Variants in KIF24 observed in about 807,000 individuals in gnomAD.
KIF24 encodes the protein kinesin family member 24.
A neutral mutation model predicts 118.9 loss-of-function variants in KIF24; 81 were observed. That is an observed-to-expected ratio of 0.68 (90% confidence interval 0.57 to 0.82). The LOEUF (loss-of-function observed/expected upper bound fraction) is 0.82, where lower values mean the gene tolerates loss of function less well. KIF24 is among the 40% of genes least tolerant of loss of function. The pLI is 0.00. For synonymous variants in KIF24, 599 were observed against 610.0 expected (o/e 0.98, Z 0.27); for missense variants, 1,560 against 1,661.6 (o/e 0.94, Z 1.06).
At chr9:34,289,126 A>G (rs1836159849) in intron 5 of KIF24, among the ~76,000 whole-genome samples, 1 of 152,138 alleles carries the variant, frequency 6.6e-6, no homozygotes, top group African/African-American at 2.4e-5. Flanking sequence ...CTGAACACCT[A>G]TACAATCTCA....
At chr9:34,254,654 A>G (rs1033054385) in intron 12 of KIF24, 134 bp from the exon 13 acceptor site, 10 of 873,134 alleles carry the variant, frequency 1.1e-5, no homozygotes, top group Non-Finnish European at 1.8e-5. Flanking sequence ...CATGTAGGAT[A>G]GTTGCTATGG....
intron 9 of KIF24, among the ~76,000 whole-genome samples, chr9:34,260,917 A>G (rs1718253909): frequency 6.6e-6 from 1 of 152,190 alleles, no homozygotes; most frequent in African/African-American, 2.4e-5. Flanking sequence ...GGTTGCAGTG[A>G]GCCAAGATCA....
rs1455293433 is a variant in KIF24 at position 34,255,820 on chromosome 9, A to G, written c.3787T>C (p.Leu1263=). Reference sequence around the variant, plus strand: ...ACCAAGGGAGAACTTGGCCTTGCTAAGCACCTTGAGATCGGCCTGGGTTTG... The same window carrying G: ...ACCAAGGGAGAACTTGGCCTTGCTAGGCACCTTGAGATCGGCCTGGGTTTG... ...WLKPRPISRC[L]ARPSSPLVPS... is the part of the protein sequence containing the mutation. The change falls in exon 11 of 13, where the codon TTA becomes CTA. Residue 1263 remains leucine, a synonymous_variant. Transcript: ENST00000402558. 1 of 1,613,980 alleles carries G rather than the reference A, an allele frequency of 6.2e-7. No individual in the cohort carries two copies. The highest frequency in any genetic ancestry group is 8.5e-7 in the Non-Finnish European group (1 of 1,179,874).
At chr9:34,312,750 G>A (rs7029398) in intron 1 of KIF24, among the ~76,000 whole-genome samples, 34,157 of 152,036 alleles carry the variant, frequency 0.22, 4,514 homozygotes, top group East Asian at 0.61. Flanking sequence ...CCAGGCTGGA[G>A]TGCAGTGGTG....
intron 1 of KIF24, among the ~76,000 whole-genome samples, chr9:34,323,325 T>C (rs540492373): frequency 6.6e-6 from 1 of 152,310 alleles, no homozygotes; most frequent in Non-Finnish European, 1.5e-5. Context: ...ACAATTCCCC[T>C]CAAGAGCCCC....
chr9:34,284,282 T>A (rs1047224282), intron 6 of KIF24, among the ~76,000 whole-genome samples: 21 of 151,584 alleles, frequency 1.4e-4, no homozygotes, highest in Admixed American at 3.3e-4. Flanking sequence ...TAGAAAAAAA[T>A]AAAAATAATA....
Position 34,284,673 on chromosome 9 carries a change from T to G in KIF24, c.1215+1944A>C, listed in dbSNP as rs77428199. 5.2e-3 allele frequency among the ~76,000 whole-genome samples: 794 copies of G among 152,126 alleles called. 18 individuals are homozygous for G. The highest frequency in any genetic ancestry group is 0.042 in the East Asian group (218 of 5,180). ...GATGGTTTGGGGATAAATACATAGGTGGTAAAACTATAACAAATAACAAGA... is the reference window on the plus strand; with the variant it reads ...GATGGTTTGGGGATAAATACATAGGGGGTAAAACTATAACAAATAACAAGA... On this transcript the variant is annotated intron_variant, in intron 6 of 12. Transcript: ENST00000402558.
intron 12 of KIF24, among the ~76,000 whole-genome samples, chr9:34,254,746 G>C (rs1434910820): frequency 6.6e-6 from 1 of 152,146 alleles, no homozygotes; most frequent in Non-Finnish European, 1.5e-5. Context: ...GTATTTGGTA[G>C]AAATACCTAC....
chr9:34,280,051 G>C (rs902544625), intron 6 of KIF24, among the ~76,000 whole-genome samples: 1 of 151,636 alleles, frequency 6.6e-6, no homozygotes, highest in African/African-American at 2.4e-5. Context: ...TTGGGAGGCC[G>C]AGGCAGGCGG....
chr9:34,299,221 C>A (rs1455477210), intron 3 of KIF24, among the ~76,000 whole-genome samples: 1 of 151,810 alleles, frequency 6.6e-6, no homozygotes, highest in Non-Finnish European at 1.5e-5. Context: ...CACTCTGTTG[C>A]CCAGGCTGGA....
chr9:34,271,288 G>C (rs1835493628), intron 7 of KIF24, among the ~76,000 whole-genome samples: 1 of 146,640 alleles, frequency 6.8e-6, no homozygotes, highest in South Asian at 2.1e-4. Flanking sequence ...TAACCACTTA[G>C]GTAATTACAT....
At chr9:34,296,349 AC>A (rs1329528082) in intron 4 of KIF24, among the ~76,000 whole-genome samples, 1 of 148,194 alleles carries the variant, frequency 6.7e-6, no homozygotes, top group Non-Finnish European at 1.5e-5. Context: ...ACACGGTGAA[AC>A]CCCATCTCTA....
At position 34,255,152 on chromosome 9, in the gene KIF24, G is replaced by T; in HGVS notation, c.3886C>A (p.Arg1296=). 1.3e-6 allele frequency: 2 copies of T among 1,582,370 alleles called. No homozygotes were observed. Among genetic ancestry groups the T allele is most frequent in the Non-Finnish European group, 1.7e-6 (2 of 1,162,976 alleles). ...TLEQAQQVVI[R]AHQEQLDEMA... ...TCATCCAGCTGTTCCTGGTGTGCTC[G>T]GATGACCACCTGCCTGGGAACACCA... is the stretch of plus-strand genomic sequence containing the variant. The change falls in exon 12 of 13, where the codon CGA becomes AGA. Residue 1296 remains arginine (R), a synonymous_variant. Transcript: ENST00000402558.
chr9:34,278,659 A>G (rs1452814541), intron 6 of KIF24, among the ~76,000 whole-genome samples: 1 of 152,032 alleles, frequency 6.6e-6, no homozygotes, highest in Non-Finnish European at 1.5e-5. Flanking sequence ...AGCAAAATTA[A>G]TGCAATCACC....
Position 34,252,416 on chromosome 9 carries a change from T to C in KIF24, c.*1964A>G, listed in dbSNP as rs957709498. 6.6e-5 allele frequency: 10 copies of C among 152,628 alleles called. No homozygotes were observed. Among genetic ancestry groups the C allele is most frequent in the African/African-American group, 2.4e-4 (10 of 41,444 alleles). 9.5% of individuals were successfully genotyped at this position (152,628 alleles called of 1,614,324 possible). A position where few individuals can be genotyped will look rare whatever the true frequency, so the allele number is the denominator to read the frequency against. On this transcript the variant is annotated 3_prime_UTR_variant, in exon 13 of 13. Transcript: ENST00000402558. ...GGTTTGTTTTGTATTATGTTGTACA[T>C]CATTAAAGATCTAAATACAAAGGAT...
chr9:34,326,109 C>T (rs1837664340), intron 1 of KIF24, among the ~76,000 whole-genome samples: 1 of 152,160 alleles, frequency 6.6e-6, no homozygotes, highest in South Asian at 2.1e-4. Context: ...GTTATCCCAA[C>T]ACTTTAGGAG....
In KIF24 at chr9:34,311,251, T is replaced by A; in HGVS notation, c.96A>T (p.Leu32Phe). 1 of 1,612,568 alleles carries A rather than the reference T, an allele frequency of 6.2e-7. No individual in the cohort carries two copies. Among genetic ancestry groups the A allele is most frequent in the Non-Finnish European group, 8.5e-7 (1 of 1,178,936 alleles). The change falls in exon 2 of 13, where the codon TTA (leucine) becomes TTT (phenylalanine). Residue 32 changes from leucine to phenylalanine, a missense_variant. Leu to Phe is a conservative substitution (Grantham distance 22). Transcript: ENST00000402558. ...TALGLQKIDE[L>F]AKITMKDYSK... The stretch of plus-strand genomic sequence containing the variant: ...AGTAGTCCTTCATTGTAATCTTGGC[T>A]AATTCATCTATTTTCTGAAGGCCAA...
intron 12 of KIF24, 58 bp downstream of exon 12, chr9:34,255,014 C>G: frequency 1.7e-6 from 2 of 1,179,096 alleles, no homozygotes; most frequent in South Asian, 1.3e-5. Flanking sequence ...GGATGACCAT[C>G]AAATTAGCTG....
At chr9:34,294,659 G>T (rs938004816) in intron 4 of KIF24, among the ~76,000 whole-genome samples, 2 of 152,094 alleles carry the variant, frequency 1.3e-5, no homozygotes, top group East Asian at 3.8e-4. Flanking sequence ...TCATAGAAGG[G>T]AATATTACTC....
Sources: allele counts gnomAD v4.1 joint callset (sites outside exome capture counted in the v4.1 genomes callset), GRCh38; gene constraint gnomAD v4.1.1; transcripts MANE v1.5; gene names NCBI Gene and HGNC (gene_info 2026-07-23, HGNC 2026-07-21).